The following ELP4 variants were observed in gnomAD, a reference collection of about 807,000 sequenced individuals.
ELP4 encodes elongator acetyltransferase complex subunit 4, also known as elongator complex protein 4.
Under a neutral mutation model 48.9 loss-of-function variants are expected in ELP4, and 51 were observed. The observed-to-expected ratio is 1.04, with a 90% CI of 0.83 to 1.32. The LOEUF is 1.32. ELP4 is among the 40% of genes most tolerant of loss of function. The probability of loss-of-function intolerance (pLI) is 0.00; values close to 1 mark genes in which losing one functional copy is unlikely to be tolerated. For synonymous variants in ELP4, 210 were observed against 189.2 expected, an observed-to-expected ratio of 1.11 and a Z score of -0.90; for missense variants, 519 against 514.6, an observed-to-expected ratio of 1.01 and a Z score of -0.08.
rs182275197 is a variant in ELP4 at position 31,751,415 on chromosome 11, G to A, written c.1144-31978G>A. Among the ~76,000 whole-genome samples the A allele has an allele frequency of 3.5e-3, 532 of 152,208 alleles. 2 individuals carry two copies. Among genetic ancestry groups the A allele is most frequent in the Non-Finnish European group, 6.2e-3 (419 of 67,998 alleles). On this transcript the variant is annotated intron_variant, in intron 9 of 9. Transcript: ENST00000640961. The stretch of plus-strand genomic sequence containing the variant: ...TCTACTTTCTGAAAAATGTGGGAGA[G>A]GAAGAAGGAACCAAAACTTTACTGT...
intron 9 of ELP4, among the ~76,000 whole-genome samples, chr11:31,782,018 T>TA (rs1948388494): frequency 6.6e-6 from 1 of 152,216 alleles, no homozygotes; most frequent in South Asian, 2.1e-4. Flanking sequence ...CTATGAGTGT[T>TA]ACAGCTTTTC....
chr11:31,683,430 T>C (rs540681198), intron 9 of ELP4, among the ~76,000 whole-genome samples: 20 of 152,336 alleles, frequency 1.3e-4, no homozygotes, highest in African/African-American at 4.3e-4. Flanking sequence ...AAAACGACCA[T>C]ACTGTTGAAG....
At chr11:31,639,898 TA>T (rs1194867469) in intron 7 of ELP4, among the ~76,000 whole-genome samples, 1 of 152,018 alleles carries the variant, frequency 6.6e-6, no homozygotes, top group Non-Finnish European at 1.5e-5. Context: ...GTAGTTCCTA[TA>T]ATGGTAGTAG....
At chr11:31,618,342 A>G (rs182187341) in intron 5 of ELP4, among the ~76,000 whole-genome samples, 2 of 151,938 alleles carry the variant, frequency 1.3e-5, no homozygotes, top group Non-Finnish European at 2.9e-5. Flanking sequence ...AGTTGCCAGC[A>G]TGTTTGGTGT....
At chr11:31,550,062 C>T (rs886532040) in intron 3 of ELP4, among the ~76,000 whole-genome samples, 3 of 151,784 alleles carry the variant, frequency 2.0e-5, no homozygotes, top group Admixed American at 2.0e-4. Context: ...GTGCAGCGCA[C>T]CAGCATGTCA....
chr11:31,671,216 G>T (rs969074064), intron 9 of ELP4, among the ~76,000 whole-genome samples: 1 of 152,048 alleles, frequency 6.6e-6, no homozygotes, highest in Non-Finnish European at 1.5e-5. Context: ...ACATTTATAC[G>T]TTGAATCACA....
intron 3 of ELP4, among the ~76,000 whole-genome samples, chr11:31,583,772 A>T (rs753862765): frequency 2.0e-5 from 3 of 152,170 alleles, no homozygotes; most frequent in Non-Finnish European, 2.9e-5. Flanking sequence ...AAATAAATAC[A>T]TTTCCTATTT....
chr11:31,754,053 AT>A (rs529025592), intron 9 of ELP4, among the ~76,000 whole-genome samples: 21 of 152,258 alleles, frequency 1.4e-4, no homozygotes, highest in African/African-American at 5.1e-4. Context: ...TGTTTGAAGT[AT>A]TTCTACGTAA....
intron 3 of ELP4, among the ~76,000 whole-genome samples, chr11:31,578,028 T>C (rs1193284151): frequency 1.3e-5 from 2 of 152,194 alleles, no homozygotes; most frequent in African/African-American, 4.8e-5. Context: ...GATGATGTGA[T>C]TGTATATTTA....
chr11:31,685,909 C>T (rs1946150588), intron 9 of ELP4, among the ~76,000 whole-genome samples: 1 of 145,318 alleles, frequency 6.9e-6, no homozygotes, highest in Admixed American at 7.0e-5. Context: ...CCAGCCTGGA[C>T]AACAGACTGA....
At chr11:31,596,049 C>T (rs2133991298) in intron 4 of ELP4, among the ~76,000 whole-genome samples, 1 of 152,288 alleles carries the variant, frequency 6.6e-6, no homozygotes, top group South Asian at 2.1e-4. Context: ...CCTCTTATGG[C>T]TTTCCATACT....
At chr11:31,584,642 C>G (rs1396666877) in intron 3 of ELP4, among the ~76,000 whole-genome samples, 1 of 152,070 alleles carries the variant, frequency 6.6e-6, no homozygotes, top group Non-Finnish European at 1.5e-5. Context: ...ATTCTCCTGC[C>G]TCAGCTGCCC....
rs11031399 is a variant in ELP4, at chr11:31,531,158, T to C, written c.260-8504T>C. Reference sequence around the variant, plus strand: ...CCCTATTAGTTTTTCCTGCCTCATATGATTCTTTGAAAAAACAGAAGTGAT... The same window carrying C: ...CCCTATTAGTTTTTCCTGCCTCATACGATTCTTTGAAAAAACAGAAGTGAT... On this transcript the variant is annotated intron_variant, in intron 2 of 9. Transcript: ENST00000640961. Among the ~76,000 whole-genome samples the C allele has an allele frequency of 4.9e-3, 744 of 152,332 alleles. 9 individuals are homozygous for C. The highest frequency in any genetic ancestry group is 0.017 in the African/African-American group (698 of 41,568).
chr11:31,787,239 T>A lies in ELP4; in HGVS notation c.*3715T>A, dbSNP rs558836571. 5.6e-5 allele frequency: 13 copies of A among 232,854 alleles called. 1 individual carries two copies. In the South Asian group the frequency reaches 1.6e-3, roughly 29 times the overall value. The allele number at this position is 232,854 out of a possible 1,614,324, so 14.4% of individuals were successfully genotyped here. On this transcript the variant is annotated 3_prime_UTR_variant, in exon 10 of 10. Coordinates refer to ENST00000640961, the MANE Select transcript of ELP4 (RefSeq NM_019040.5). The stretch of plus-strand genomic sequence containing the variant: ...CAGCTGAGCAGCCGCTTCTTCAGAC[T>A]ATACCAGACTGTGCTACTTTGCCCT...
intron 7 of ELP4, among the ~76,000 whole-genome samples, chr11:31,636,644 T>C (rs1010780356): frequency 1.4e-4 from 22 of 151,912 alleles, no homozygotes; most frequent in Non-Finnish European, 7.4e-5. Flanking sequence ...TTTTAACTTA[T>C]TGTTATAATA....
At chr11:31,617,444 T>A (rs1374096262) in intron 5 of ELP4, among the ~76,000 whole-genome samples, 1 of 151,854 alleles carries the variant, frequency 6.6e-6, no homozygotes, top group Non-Finnish European at 1.5e-5. Flanking sequence ...TGAGGAGTTG[T>A]TGTTTCTTGT....
intron 1 of ELP4, among the ~76,000 whole-genome samples, chr11:31,514,251 G>C (rs1382059401): frequency 1.3e-5 from 2 of 152,130 alleles, no homozygotes; most frequent in African/African-American, 4.8e-5. Flanking sequence ...TTGAGCCTGG[G>C]AGTTTGAGAC....
intron 9 of ELP4, among the ~76,000 whole-genome samples, chr11:31,705,409 T>G (rs538839079): frequency 6.6e-6 from 1 of 152,200 alleles, no homozygotes; most frequent in African/African-American, 2.4e-5. Flanking sequence ...GGACTAAGTT[T>G]CCAACACATG....
chr11:31,523,173 C>T (rs535296183), intron 2 of ELP4, among the ~76,000 whole-genome samples: 1 of 152,134 alleles, frequency 6.6e-6, no homozygotes, highest in African/African-American at 2.4e-5. Context: ...CATCTGGCCC[C>T]AGTTCTCTAC....
Sources: gnomAD v4.1 joint callset for allele counts (sites outside exome capture counted in the v4.1 genomes callset) on GRCh38, gnomAD v4.1.1 for gene constraint, MANE v1.5 for transcripts, NCBI Gene and HGNC (gene_info 2026-07-23, HGNC 2026-07-21) for gene names.